Variants in RGS11 observed in about 807,000 individuals in gnomAD.
The protein encoded by RGS11 is regulator of G protein signaling 11.
In RGS11, 86 loss-of-function variants were observed where a neutral mutation model predicts 71.1. The observed-to-expected ratio is 1.21, with a 90% confidence interval of 1.02 to 1.45. The LOEUF (loss-of-function observed/expected upper bound fraction) is 1.45. Among genes scored for constraint, RGS11 ranks in the 40% most tolerant of loss-of-function variants. The pLI is 0.00. For missense variants in RGS11, 734 were observed against 635.1 expected, an observed-to-expected ratio of 1.16 and a Z score of -1.67; for synonymous variants, 298 against 254.2, an observed-to-expected ratio of 1.17 and a Z score of -1.64.
chr16:269,137 G>C lies in RGS11; in HGVS notation c.*132C>G. The stretch of plus-strand genomic sequence containing the variant: ...GGCTGTGCACCCCACAGAAGACTGG[G>C]CCCCCTGGGCACAAGGGGACACTGG... On this transcript the variant is annotated 3_prime_UTR_variant, in exon 17 of 17. Coordinates refer to ENST00000397770, the MANE Select transcript of RGS11 (RefSeq NM_183337.3). The C allele has an allele frequency of 1.1e-6, 1 of 904,584 alleles. No homozygotes were observed. The highest frequency in any genetic ancestry group is 1.8e-6 in the Non-Finnish European group (1 of 561,994). 56.0% of individuals were successfully genotyped at this position (904,584 alleles called of 1,614,324 possible). A position where few individuals can be genotyped will look rare whatever the true frequency, so the allele number is the denominator to read the frequency against.
chr16:268,647 G>A lies in RGS11; in HGVS notation c.*622C>T, dbSNP rs1596877828. The A allele has an allele frequency of 1.1e-6, 1 of 921,288 alleles. No homozygotes were observed. The highest frequency in any genetic ancestry group is 1.6e-6 in the Non-Finnish European group (1 of 608,634). The allele number at this position is 921,288 out of a possible 1,614,324, so 57.1% of individuals were successfully genotyped here. ...GGGGGAGGCCGCGGCCTCGAGGTGG[G>A]AAAGCAGGTGCCGGCGCACCTGTGG... On this transcript the variant is annotated 3_prime_UTR_variant, in exon 17 of 17. Coordinates refer to ENST00000397770, the MANE Select transcript of RGS11 (RefSeq NM_183337.3).
At position 273,681 on chromosome 16, in the gene RGS11, G is replaced by A. The variant is rs939385497; in HGVS notation, c.506+79C>T. 3.1e-5 allele frequency: 48 copies of A among 1,542,322 alleles called. 2 individuals carry two copies. The Admixed American group carries it at 3.2e-4, about 10-fold the overall frequency. On this transcript the variant is annotated intron_variant, in intron 7 of 16. Coordinates refer to ENST00000397770, the MANE Select transcript of RGS11 (RefSeq NM_183337.3). ...TGCCCTCCACGGTCCCAGGGCCACC[G>A]GAGCCTGGCCTGGGCTGGGCTTCCC...
intron 1 of RGS11, 68 bp from the exon 2 acceptor site, chr16:275,566 G>T: frequency 7.6e-7 from 1 of 1,323,048 alleles, no homozygotes; most frequent in Non-Finnish European, 1.0e-6. Flanking sequence ...CACCGGCCGG[G>T]ATGCCCCGGA....
Position 268,501 on chromosome 16 carries a change from G to T in RGS11, c.*768C>A. ...TGGTGAGGCACTTGGGGGATGGGGA[G>T]CAAGGCCAGCTCACGAAGGAAGACT... On this transcript the variant is annotated 3_prime_UTR_variant, in exon 17 of 17. Coordinates refer to ENST00000397770, the MANE Select transcript of RGS11 (RefSeq NM_183337.3). 4 of 532,176 alleles carry T rather than the reference G, an allele frequency of 7.5e-6. No homozygotes were observed. Among genetic ancestry groups the T allele is most frequent in the African/African-American group, 1.9e-5 (1 of 52,568 alleles). 33.0% of individuals were successfully genotyped at this position (532,176 alleles called of 1,614,324 possible).
chr16:275,533 G>T, intron 1 of RGS11, 35 bp from the exon 2 acceptor site: 3 of 1,481,654 alleles, frequency 2.0e-6, no homozygotes, highest in East Asian at 2.5e-5. Context: ...GTGTCTGGCC[G>T]CCCCGCAACC....
In RGS11 at chr16:272,622, C is replaced by T. The variant is rs562366140; in HGVS notation, c.657+241G>A. 24 of 1,451,268 alleles carry T rather than the reference C, an allele frequency of 1.7e-5. 1 individual carries two copies. Among genetic ancestry groups the T allele is most frequent in the African/African-American group, 1.4e-4 (10 of 70,870 alleles). The allele number at this position is 1,451,268 out of a possible 1,614,324, so 89.9% of individuals were successfully genotyped here. On this transcript the variant is annotated intron_variant, in intron 9 of 16. Transcript: ENST00000397770. Reference sequence around the variant, plus strand: ...CCCCCTTCCTCCCCGCCAGCCCCCTCGTCCCCACCACTCCACTTACCTGCA... The same window carrying T: ...CCCCCTTCCTCCCCGCCAGCCCCCTTGTCCCCACCACTCCACTTACCTGCA...
At chr16:274,726 C>A (rs1295434653) in intron 4 of RGS11, 7 of 698,328 alleles carry the variant, frequency 1.0e-5, no homozygotes, top group Non-Finnish European at 1.8e-5. Context: ...CATACGACCC[C>A]TTGTGGGGCC....
intron 9 of RGS11, chr16:272,224 C>T (rs902106762): frequency 2.1e-5 from 25 of 1,186,398 alleles, no homozygotes; most frequent in Non-Finnish European, 2.7e-5. Flanking sequence ...ACTGGGGAAC[C>T]AGGTGTGACC....
At chr16:272,795 G>T in intron 9 of RGS11, 68 bp downstream of exon 9, 1 of 1,535,162 alleles carries the variant, frequency 6.5e-7, no homozygotes, top group Non-Finnish European at 8.7e-7. Flanking sequence ...GCAGTCCCAT[G>T]GTGCGTCCAG....
rs768997342 is a variant in RGS11, at chr16:273,709, G to T, written c.506+51C>A. The T allele has an allele frequency of 5.0e-5, 79 of 1,584,490 alleles. 1 individual carries two copies. The highest frequency in any genetic ancestry group is 2.3e-4 in the Admixed American group (14 of 59,874). On this transcript the variant is annotated intron_variant, in intron 7 of 16. Transcript: ENST00000397770. ...GCCTGGCCTGGGCTGGGCTTCCCGG[G>T]TAGCCTGGGTTGGGCGCCTGCAGGC...
At position 271,182 on chromosome 16, in the gene RGS11, G is replaced by C. The variant is rs1213097923; in HGVS notation, c.863+20C>G. On this transcript the variant is annotated intron_variant, in intron 12 of 16. Coordinates refer to ENST00000397770, the MANE Select transcript of RGS11 (RefSeq NM_183337.3). ...AGGCTGGGAGCACACCCGCAGTCCC[G>C]CTGCCCCGCCTGGGCTCACGTGGGG... 4.4e-6 allele frequency: 7 copies of C among 1,608,096 alleles called. No individual in the cohort carries two copies. Among genetic ancestry groups the C allele is most frequent in the South Asian group, 1.1e-5 (1 of 90,868 alleles).
chr16:274,696 A>G lies in RGS11; in HGVS notation c.318+280T>C, dbSNP rs903893604. 4.9e-5 allele frequency: 33 copies of G among 678,864 alleles called. No homozygotes were observed. In the African/African-American group the frequency reaches 5.6e-4, roughly 12 times the overall value. The allele number at this position is 678,864 out of a possible 1,614,324, so 42.1% of individuals were successfully genotyped here. ...GACCTGGGCCTAGGGACCCCCAGGA[A>G]GATGGCAGAATCCTCTGCACATACG... On this transcript the variant is annotated intron_variant, in intron 4 of 16. Coordinates refer to ENST00000397770, the MANE Select transcript of RGS11 (RefSeq NM_183337.3).
chr16:272,287 G>T lies in RGS11; in HGVS notation c.657+576C>A, dbSNP rs74003727. On this transcript the variant is annotated intron_variant, in intron 9 of 16. Coordinates refer to ENST00000397770, the MANE Select transcript of RGS11 (RefSeq NM_183337.3). ...AGAGCGGAGGAGGCGGACGCGCTGCGAGTCCTGGCCTGTGTCCCCGCTCTC... is the reference window on the plus strand; with the variant it reads ...AGAGCGGAGGAGGCGGACGCGCTGCTAGTCCTGGCCTGTGTCCCCGCTCTC... The T allele has an allele frequency of 2.4e-6, 3 of 1,259,468 alleles. No individual in the cohort carries two copies. In the African/African-American group the frequency reaches 4.6e-5, roughly 19 times the overall value. 78.0% of individuals were successfully genotyped at this position (1,259,468 alleles called of 1,614,324 possible).
chr16:269,751 C>T (rs935273061), intron 15 of RGS11, 166 bp from the exon 16 acceptor site: 11 of 588,126 alleles, frequency 1.9e-5, no homozygotes, highest in African/African-American at 1.5e-4. Context: ...CCAAGGCAGA[C>T]GCAGGGAGAC....
chr16:269,771 C>T (rs922373962), intron 15 of RGS11, 186 bp from the exon 16 acceptor site: 18 of 572,530 alleles, frequency 3.1e-5, no homozygotes, highest in African/African-American at 1.7e-4. Context: ...CCTGGGCTCC[C>T]GTCTGCCTGG....
intron 1 of RGS11, 33 bp from the exon 2 acceptor site, chr16:275,531 C>T (rs1363871648): frequency 1.3e-6 from 2 of 1,494,106 alleles, no homozygotes; most frequent in African/African-American, 2.8e-5. Flanking sequence ...GGGTGTCTGG[C>T]CGCCCCGCAA....
rs2051929813 is a variant in RGS11, at chr16:271,333, G to T, written c.750-18C>A. On this transcript the variant is annotated intron_variant, in intron 11 of 16. Coordinates refer to ENST00000397770, the MANE Select transcript of RGS11 (RefSeq NM_183337.3). ...TCAGGTACCTGGAAGGGGGTATGGG[G>T]GCTGGTGCAGGAGGGGCCTCAGCAC... The T allele has an allele frequency of 6.2e-7, 1 of 1,611,990 alleles. No homozygotes were observed. Among genetic ancestry groups the T allele is most frequent in the African/African-American group, 1.3e-5 (1 of 74,900 alleles).
At chr16:271,695 GC>G (rs2141411478) in intron 9 of RGS11, 126 bp from the exon 10 acceptor site, 1 of 911,326 alleles carries the variant, frequency 1.1e-6, no homozygotes, top group Non-Finnish European at 1.8e-6. Context: ...GGTGGCCCAG[GC>G]CCCCAGTCCC....
Position 275,400 on chromosome 16 carries a change from A to G in RGS11, c.160+2T>C. The G allele has an allele frequency of 6.2e-7, 1 of 1,606,836 alleles. No individual in the cohort carries two copies. Among genetic ancestry groups the G allele is most frequent in the Non-Finnish European group, 8.5e-7 (1 of 1,179,110 alleles). On this transcript the variant is annotated splice_donor_variant, in intron 2 of 16. Transcript: ENST00000397770. LOFTEE classifies it high-confidence loss of function. ...ACGCACCCCCGCCCCGGCGCGCCTC[A>G]CCTGTCACCGCGTGGGGAATGACGG...
Sources: allele counts gnomAD v4.1 joint callset, GRCh38; gene constraint gnomAD v4.1.1; transcripts MANE v1.5; gene names NCBI Gene and HGNC (gene_info 2026-07-23, HGNC 2026-07-21).